The following AGO2 variants were observed in gnomAD, a reference collection of about 807,000 sequenced individuals.
AGO2 encodes the protein protein argonaute-2.
AGO2 carries 5 observed loss-of-function variants against 102.3 expected under a neutral mutation model. The ratio of observed to expected loss-of-function variants is 0.05; its 90% CI spans 0.03 to 0.10. The LOEUF (loss-of-function observed/expected upper bound fraction) is 0.10, where lower values mean the gene tolerates loss of function less well. Ranked by LOEUF, AGO2 falls within the 10% of genes least tolerant of loss-of-function variation. AGO2 has a pLI of 1.00. For missense variants in AGO2, 541 were observed against 1,183.7 expected (o/e 0.46, Z 7.97); for synonymous variants, 449 against 473.1 (o/e 0.95, Z 0.66).
intron 1 of AGO2, among the ~76,000 whole-genome samples, chr8:140,587,019 G>C (rs2073670137): frequency 6.6e-6 from 1 of 152,178 alleles, no homozygotes; most frequent in Non-Finnish European, 1.5e-5. Flanking sequence ...TGGAACACGA[G>C]CTACTTGCAG....
At chr8:140,619,016 C>T (rs577145475) in intron 1 of AGO2, among the ~76,000 whole-genome samples, 19 of 152,172 alleles carry the variant, frequency 1.2e-4, no homozygotes, top group Admixed American at 2.0e-4. Flanking sequence ...GGAAACCCCA[C>T]GGCGGCATGA....
chr8:140,557,600 G>A lies in AGO2; in HGVS notation c.879-364C>T, dbSNP rs889844684. ...CTTTTACGTGCCGCGCGCTCCCGGT[G>A]CCCAGAAGGCCTGAAGCCCCCAGGA... On this transcript the variant is annotated intron_variant, in intron 7 of 18. Transcript: ENST00000220592. The surrounding 1 kb of genome is among the most constrained non-coding windows in gnomAD (Gnocchi z 5.9). 6.6e-6 allele frequency among the ~76,000 whole-genome samples: 1 copy of A among 152,208 alleles called. No individual in the cohort carries two copies. Among genetic ancestry groups the A allele is most frequent in the African/African-American group, 2.4e-5 (1 of 41,440 alleles).
At chr8:140,578,028 G>T (rs1338291506) in intron 2 of AGO2, among the ~76,000 whole-genome samples, 7 of 152,216 alleles carry the variant, frequency 4.6e-5, no homozygotes, top group African/African-American at 1.4e-4. Context: ...CCGTGGAGTC[G>T]GCTGGCAGAC....
chr8:140,524,263 T>C lies in AGO2; in HGVS notation c.*7781A>G, dbSNP rs2072462802. On this transcript the variant is annotated 3_prime_UTR_variant, in exon 19 of 19. Transcript: ENST00000220592. ...TTTAAAAAATCTACTTCCATTACAA[T>C]AAATATTCTTCTCGAGTGACTATGA... is the stretch of plus-strand genomic sequence containing the variant. 1.3e-5 allele frequency: 2 copies of C among 152,094 alleles called. No individual in the cohort carries two copies. Among genetic ancestry groups the C allele is most frequent in the African/African-American group, 4.8e-5 (2 of 41,400 alleles). The allele number at this position is 152,094 out of a possible 1,614,324, so 9.4% of individuals were successfully genotyped here.
At chr8:140,618,405 C>T (rs1319993472) in intron 1 of AGO2, among the ~76,000 whole-genome samples, 1 of 152,064 alleles carries the variant, frequency 6.6e-6, no homozygotes, top group Non-Finnish European at 1.5e-5. Context: ...AGGAGAAACA[C>T]TTGAATTCAG....
intron 8 of AGO2, among the ~76,000 whole-genome samples, chr8:140,556,547 C>A (rs1401344884): frequency 6.6e-6 from 1 of 152,078 alleles, no homozygotes; most frequent in Non-Finnish European, 1.5e-5. Flanking sequence ...ACCAGGTGAG[C>A]GGGGCTGTGT....
chr8:140,556,014 C>T lies in AGO2; in HGVS notation c.1151G>A (p.Arg384Gln), dbSNP rs776599488. The T allele has an allele frequency of 1.2e-6, 2 of 1,614,016 alleles. No homozygotes were observed. The highest frequency in any genetic ancestry group is 2.2e-5 in the East Asian group (1 of 44,890). ...TGGATCTGTGTTGAAACTTGCACTT[C>T]GCATCTGGCAAAGGGAAACAAGAAA... The part of the protein sequence containing the change: ...DRQEEISKLM[R>Q]SASFNTDPYV... Residue 384 changes from arginine to glutamine, a missense_variant, in exon 10 of 19, where the codon CGA becomes CAA. Arg to Gln is a conservative substitution (Grantham distance 43). Coordinates refer to ENST00000220592, the MANE Select transcript of AGO2 (RefSeq NM_012154.5).
At chr8:140,552,893 T>C (rs985807375) in intron 10 of AGO2, among the ~76,000 whole-genome samples, 2 of 152,104 alleles carry the variant, frequency 1.3e-5, no homozygotes, top group African/African-American at 2.4e-5. Flanking sequence ...GTTGTGACAA[T>C]AAAAAATGTC....
upstream of AGO2, among the ~76,000 whole-genome samples, chr8:140,640,339 T>A (rs545422883): frequency 3.3e-5 from 5 of 151,960 alleles, no homozygotes; most frequent in South Asian, 2.1e-4. Context: ...TGTTTTATTA[T>A]TTTTTTTCTT....
chr8:140,596,248 T>C (rs1416567885), intron 1 of AGO2, among the ~76,000 whole-genome samples: 1 of 152,140 alleles, frequency 6.6e-6, no homozygotes, highest in African/African-American at 2.4e-5. Context: ...GAATATTGGA[T>C]ACATCATTCT....
intron 1 of AGO2, among the ~76,000 whole-genome samples, chr8:140,594,459 G>A (rs1428086647): frequency 2.0e-5 from 3 of 151,960 alleles, no homozygotes; most frequent in Admixed American, 6.6e-5. Context: ...CACCGTGCCC[G>A]GCCCTCTTTC....
intron 10 of AGO2, among the ~76,000 whole-genome samples, chr8:140,553,473 G>C (rs192803155): frequency 7.2e-6 from 1 of 139,302 alleles, no homozygotes; most frequent in Non-Finnish European, 1.5e-5. Context: ...GCAATGGCAC[G>C]ATCTTGGCTC....
intron 1 of AGO2, among the ~76,000 whole-genome samples, chr8:140,603,340 G>C (rs747881325): frequency 2.0e-5 from 3 of 152,202 alleles, no homozygotes; most frequent in Admixed American, 6.5e-5. Flanking sequence ...TGCAAGGGAG[G>C]AGGGATCCAG....
chr8:140,603,833 G>A (rs986171242), intron 1 of AGO2, among the ~76,000 whole-genome samples: 1 of 152,252 alleles, frequency 6.6e-6, no homozygotes, highest in Non-Finnish European at 1.5e-5. Context: ...CTCTTCCACA[G>A]ACTCCACATC....
chr8:140,626,957 C>T (rs373359553), intron 1 of AGO2: 36 of 152,392 alleles, frequency 2.4e-4, no homozygotes, highest in African/African-American at 7.0e-4. Context: ...AGCCTGCACA[C>T]GAGCATGGGG....
intron 1 of AGO2, among the ~76,000 whole-genome samples, chr8:140,632,485 T>C (rs928475688): frequency 6.6e-6 from 1 of 152,220 alleles, no homozygotes; most frequent in African/African-American, 2.4e-5. Context: ...ACAATCCTAT[T>C]TAGACAACTG....
chr8:140,529,432 A>C lies in AGO2; in HGVS notation c.*2612T>G, dbSNP rs1425849788. ...ACAGCCATTTAAACTCTGAATCATC[A>C]GACATGTACAAAGGTGTGCAGCTGA... On this transcript the variant is annotated 3_prime_UTR_variant, in exon 19 of 19. Coordinates refer to ENST00000220592, the MANE Select transcript of AGO2 (RefSeq NM_012154.5). 6.6e-6 allele frequency: 1 copy of C among 152,234 alleles called. No individual in the cohort carries two copies. The highest frequency in any genetic ancestry group is 1.5e-5 in the Non-Finnish European group (1 of 68,042). The allele number at this position is 152,234 out of a possible 1,614,324, so 9.4% of individuals were successfully genotyped here.
At chr8:140,574,012 C>A (rs2073425888) in intron 2 of AGO2, among the ~76,000 whole-genome samples, 1 of 152,198 alleles carries the variant, frequency 6.6e-6, no homozygotes, top group Admixed American at 6.5e-5. Flanking sequence ...ATGCTTGCTG[C>A]TGGGAGAGAC....
intron 2 of AGO2, 87 bp downstream of exon 2, chr8:140,585,032 G>T: frequency 7.5e-7 from 1 of 1,332,356 alleles, no homozygotes; most frequent in Non-Finnish European, 1.0e-6. Context: ...AGATGGATCT[G>T]CTGAGAATTT....
Sources: gnomAD v4.1 joint callset for allele counts (sites outside exome capture counted in the v4.1 genomes callset) on GRCh38, gnomAD v4.1.1 for gene constraint, Gnocchi (gnomAD v3.1) non-coding constraint, MANE v1.5 for transcripts, NCBI Gene and HGNC (gene_info 2026-07-23, HGNC 2026-07-21) for gene names.